The following AFF3 variants were observed in gnomAD, a reference collection of about 807,000 sequenced individuals.
The protein encoded by AFF3 is ALF transcription elongation factor 3.
In AFF3, 32 loss-of-function variants were observed where a neutral mutation model predicts 129.7. That is an observed-to-expected ratio of 0.25 (90% CI 0.19 to 0.33). AFF3 has a LOEUF of 0.33. AFF3 is among the 10% of genes least tolerant of loss of function. The probability of loss-of-function intolerance (pLI) is 1.00; values close to 1 mark genes in which losing one functional copy is unlikely to be tolerated. For synonymous variants in AFF3, 644 were observed against 635.4 expected, an observed-to-expected ratio of 1.01 and a Z score of -0.20; for missense variants, 1,373 against 1,592.0, an observed-to-expected ratio of 0.86 and a Z score of 2.34.
intron 7 of AFF3, among the ~76,000 whole-genome samples, chr2:99,870,605 C>T (rs1205890982): frequency 1.3e-5 from 2 of 152,204 alleles, no homozygotes; most frequent in Non-Finnish European, 2.9e-5. Context: ...AGATGGGTGC[C>T]CACCTGACAA....
chr2:99,786,997 T>C (rs970090775), intron 8 of AFF3, among the ~76,000 whole-genome samples: 6 of 152,162 alleles, frequency 3.9e-5, no homozygotes, highest in African/African-American at 7.2e-5. Context: ...GAGGGCATCA[T>C]TAAAATCAGC....
At chr2:99,802,917 A>G (rs1686060348) in intron 8 of AFF3, among the ~76,000 whole-genome samples, 1 of 151,952 alleles carries the variant, frequency 6.6e-6, no homozygotes, top group Non-Finnish European at 1.5e-5. Flanking sequence ...AGATAGTTTG[A>G]CTTCCTCTTT....
chr2:99,772,521 T>C (rs191934873), intron 8 of AFF3, among the ~76,000 whole-genome samples: 1 of 152,304 alleles, frequency 6.6e-6, no homozygotes, highest in East Asian at 1.9e-4. Flanking sequence ...CTTGTATCAA[T>C]ATATAACCAA....
At chr2:99,824,642 GATAA>G (rs1687939095) in intron 8 of AFF3, among the ~76,000 whole-genome samples, 1 of 152,180 alleles carries the variant, frequency 6.6e-6, no homozygotes, top group African/African-American at 2.4e-5. Flanking sequence ...TGGGAGTTAT[GATAA>G]ATAAAATATA....
intron 1 of AFF3, 127 bp downstream of exon 1, chr2:100,142,357 C>G (rs1239183788): frequency 6.6e-6 from 1 of 152,294 alleles, no homozygotes; most frequent in Non-Finnish European, 1.5e-5. Flanking sequence ...AATGCTCCCC[C>G]TGCCCTGACC....
chr2:99,587,840 T>C (rs1678281698), intron 15 of AFF3, among the ~76,000 whole-genome samples: 1 of 152,014 alleles, frequency 6.6e-6, no homozygotes, highest in South Asian at 2.1e-4. Flanking sequence ...TGAAACCCCA[T>C]CTCTACTAAA....
In AFF3 at chr2:99,601,672, G is replaced by C. The variant is rs763203953; in HGVS notation, c.1185-51C>G. On this transcript the variant is annotated intron_variant, in intron 13 of 24. Transcript: ENST00000672756. ...AGCAGAGGGAAGGAAAGCCAAGTGA[G>C]CAAACAGGAAAACACCACCAAGCTG... 3.8e-6 allele frequency: 6 copies of C among 1,558,892 alleles called. No homozygotes were observed. In the African/African-American group the frequency reaches 8.1e-5, roughly 21 times the overall value.
intron 11 of AFF3, among the ~76,000 whole-genome samples, chr2:99,717,476 C>T (rs1422572433): frequency 1.3e-5 from 2 of 152,028 alleles, no homozygotes; most frequent in African/African-American, 2.4e-5. Flanking sequence ...CTAAAATAAA[C>T]GTTATTAGTG....
intron 7 of AFF3, among the ~76,000 whole-genome samples, chr2:99,940,200 C>T (rs1168742682): frequency 6.6e-6 from 1 of 152,114 alleles, no homozygotes; most frequent in Admixed American, 6.5e-5. Context: ...GCTAGATGGG[C>T]TTTCTTCTGG....
chr2:99,572,675 G>C (rs980469694), intron 18 of AFF3: 1 of 455,680 alleles, frequency 2.2e-6, no homozygotes, highest in African/African-American at 2.0e-5. Flanking sequence ...CGATATGTCA[G>C]CTTGTCATCT....
chr2:99,999,889 A>C (rs912435463), intron 7 of AFF3, among the ~76,000 whole-genome samples: 1 of 152,166 alleles, frequency 6.6e-6, no homozygotes, highest in Non-Finnish European at 1.5e-5. Flanking sequence ...ATTACAGCAG[A>C]GAGAGGGGTC....
At chr2:100,104,081 G>C (rs950699912) in intron 4 of AFF3, among the ~76,000 whole-genome samples, 2 of 151,988 alleles carry the variant, frequency 1.3e-5, no homozygotes, top group African/African-American at 2.4e-5. Context: ...TGGATCCCCA[G>C]GCATTAGTGA....
chr2:99,560,401 T>A lies in AFF3; in HGVS notation c.3155A>T (p.Asn1052Ile). ...CAGTTGTTTGTCTTCTGGTGTGGCA[T>A]TGGGGCCTGAGTGGGTTTTTAGTCT... ...AMRLKTHSGP[N>I]ATPEDKQLAA... Residue 1052 changes from asparagine (N) to isoleucine (I), a missense_variant, in exon 21 of 25, where the codon AAT becomes ATT. By Grantham distance (149) the Asn-to-Ile change is moderately radical. Around this residue, in one of 9 missense-constraint regions of AFF3, gnomAD observed 165 missense variants for 234.0 expected, o/e 0.71. Coordinates refer to ENST00000672756, the MANE Select transcript of AFF3 (RefSeq NM_001386135.1). The A allele has an allele frequency of 1.2e-6, 2 of 1,614,104 alleles. No homozygotes were observed. Among genetic ancestry groups the A allele is most frequent in the Non-Finnish European group, 1.7e-6 (2 of 1,179,992 alleles).
chr2:99,912,741 T>C (rs974084974), intron 7 of AFF3, among the ~76,000 whole-genome samples: 11 of 152,220 alleles, frequency 7.2e-5, no homozygotes, highest in African/African-American at 2.7e-4. Context: ...AGCTTACTGT[T>C]TCTCTATTAG....
In AFF3 at chr2:99,575,475, C is replaced by T. The variant is rs933066097; in HGVS notation, c.2918+2852G>A. ...GGGGTTTCACTGTGTTGGCCAGGCT[C>T]GTCTCAAGCTCCTGACCTCAAGTGA... On this transcript the variant is annotated intron_variant, in intron 18 of 24. Transcript: ENST00000672756. 3.5e-4 allele frequency among the ~76,000 whole-genome samples: 52 copies of T among 147,356 alleles called. 1 individual carries two copies. Among genetic ancestry groups the T allele is most frequent in the African/African-American group, 1.1e-3 (45 of 39,320 alleles).
At chr2:99,939,942 A>G (rs1004709081) in intron 7 of AFF3, among the ~76,000 whole-genome samples, 2 of 152,194 alleles carry the variant, frequency 1.3e-5, no homozygotes, top group African/African-American at 4.8e-5. Flanking sequence ...GGTGGGGCCT[A>G]TATAGCTTTA....
At chr2:100,051,892 A>T (rs1200056819) in intron 4 of AFF3, among the ~76,000 whole-genome samples, 2 of 152,234 alleles carry the variant, frequency 1.3e-5, no homozygotes, top group African/African-American at 2.4e-5. Flanking sequence ...TAAAGCCAAG[A>T]TCAGTTACAT....
At chr2:99,988,519 C>A (rs1680069529) in intron 7 of AFF3, among the ~76,000 whole-genome samples, 1 of 152,170 alleles carries the variant, frequency 6.6e-6, no homozygotes, top group Non-Finnish European at 1.5e-5. Flanking sequence ...TTAGTGTTTT[C>A]TAGCATAAGT....
At chr2:99,556,675 A>C (rs1342676541) in intron 22 of AFF3, among the ~76,000 whole-genome samples, 1 of 152,184 alleles carries the variant, frequency 6.6e-6, no homozygotes, top group Non-Finnish European at 1.5e-5. Context: ...TAATCCTAGC[A>C]CTTTGGGAGG....
Sources: gnomAD v4.1 joint callset for allele counts (sites outside exome capture counted in the v4.1 genomes callset) on GRCh38, gnomAD v4.1.1 for gene constraint, gnomAD v4.1.1 regional missense constraint, MANE v1.5 for transcripts, NCBI Gene and HGNC (gene_info 2026-07-23, HGNC 2026-07-21) for gene names.